The following MYH14 variants were observed in gnomAD, a reference collection of about 807,000 sequenced individuals.
MYH14 encodes the protein myosin heavy chain 14.
Under a neutral mutation model 255.5 loss-of-function variants are expected in MYH14, and 123 were observed. That is an observed-to-expected ratio of 0.48 (90% CI 0.42 to 0.56). The LOEUF (loss-of-function observed/expected upper bound fraction) is 0.56, where lower values mean the gene tolerates loss of function less well. MYH14 is among the 20% of genes least tolerant of loss of function. The probability of loss-of-function intolerance (pLI) is 0.00; values close to 1 mark genes in which losing one functional copy is unlikely to be tolerated. For missense variants in MYH14, 2,423 were observed against 2,802.3 expected (o/e 0.86, Z 3.06); for synonymous variants, 1,095 against 1,161.2 (o/e 0.94, Z 1.16).
rs1237370119 is a variant in MYH14, at chr19:50,278,134, G to C, written c.3877G>C (p.Glu1293Gln). 5.6e-6 allele frequency: 9 copies of C among 1,604,926 alleles called. No homozygotes were observed. The highest frequency in any genetic ancestry group is 7.7e-6 in the Non-Finnish European group (9 of 1,173,180). Residue 1293 changes from glutamate (E) to glutamine (Q), a missense_variant, in exon 30 of 43, where the codon GAG becomes CAG. Transcript: ENST00000642316. ...GCTGGCCCTGGAGGCCGAGGTGTCC[G>C]AGCTGCGGGCAGAACTGAGCAGCCT... ...TRLALEAEVSELRAELSSLQT... is the reference protein window; with the variant it reads ...TRLALEAEVSQLRAELSSLQT...
chr19:50,230,548 A>G lies in MYH14; in HGVS notation c.898A>G (p.Ile300Val). ...ETYLLEKSRA[I>V]RQAKDECSFH... Reference sequence around the variant, plus strand: ...AGACCTGCTGGAGAAGTCGCGGGCCATCCGCCAGGCCAAGGACGAGTGCAG... The same window carrying G: ...AGACCTGCTGGAGAAGTCGCGGGCCGTCCGCCAGGCCAAGGACGAGTGCAG... The change falls in exon 9 of 43, where the codon ATC becomes GTC. Residue 300 changes from isoleucine (I) to valine (V), a missense_variant. By Grantham distance (29) the Ile-to-Val change is conservative (BLOSUM62 3). Coordinates refer to ENST00000642316, the MANE Select transcript of MYH14 (RefSeq NM_001145809.2). This position sits in a 1 kb window ranked among gnomAD's most constrained non-coding sequence, Gnocchi z 4.7. 3.2e-6 allele frequency: 5 copies of G among 1,567,862 alleles called. No homozygotes were observed. Among genetic ancestry groups the G allele is most frequent in the Non-Finnish European group, 4.3e-6 (5 of 1,156,882 alleles).
intron 24 of MYH14, among the ~76,000 whole-genome samples, chr19:50,269,039 A>G (rs1366736962): frequency 1.3e-5 from 2 of 151,996 alleles, no homozygotes; most frequent in East Asian, 3.8e-4. Context: ...CACATGGCCA[A>G]GTTGTTCCAA....
intron 12 of MYH14, among the ~76,000 whole-genome samples, chr19:50,247,323 T>C (rs2034169489): frequency 6.6e-6 from 1 of 151,778 alleles, no homozygotes. Flanking sequence ...CAAGTTATAG[T>C]AAGGAAATGG....
intron 1 of MYH14, among the ~76,000 whole-genome samples, chr19:50,205,901 G>A (rs1181766995): frequency 6.6e-6 from 1 of 152,142 alleles, no homozygotes; most frequent in Non-Finnish European, 1.5e-5. Flanking sequence ...GGGTCAGACG[G>A]CTGGATGCCA....
In MYH14 at chr19:50,247,418, T is replaced by G. The variant is rs2034173336; in HGVS notation, c.1329+296T>G. 4.0e-5 allele frequency among the ~76,000 whole-genome samples: 6 copies of G among 151,802 alleles called. No homozygotes were observed. The South Asian group carries it at 1.2e-3, about 32-fold the overall frequency. ...CTTTGGGAGGCCAAGGTGGGAGGAT[T>G]GCTTGAGCCCGGGAGTTTGAGGCTG... On this transcript the variant is annotated intron_variant, in intron 12 of 42. Coordinates refer to ENST00000642316, the MANE Select transcript of MYH14 (RefSeq NM_001145809.2).
At chr19:50,303,181 C>T (rs2036550725) in intron 40 of MYH14, among the ~76,000 whole-genome samples, 1 of 152,106 alleles carries the variant, frequency 6.6e-6, no homozygotes, top group African/African-American at 2.4e-5. Flanking sequence ...GTGGGCTTCA[C>T]TCATCATCCG....
intron 33 of MYH14, among the ~76,000 whole-genome samples, chr19:50,283,481 C>T (rs1268440732): frequency 6.6e-6 from 1 of 152,206 alleles, no homozygotes; most frequent in Non-Finnish European, 1.5e-5. Flanking sequence ...TTCCATGTAT[C>T]AATAATGTAT....
At chr19:50,283,722 G>C (rs1251226510) in intron 33 of MYH14, among the ~76,000 whole-genome samples, 3 of 152,098 alleles carry the variant, frequency 2.0e-5, no homozygotes, top group African/African-American at 7.2e-5. Flanking sequence ...CTTCTGTTCA[G>C]ATCTTTTGCC....
At chr19:50,303,259 C>A (rs1396802154) in intron 40 of MYH14, among the ~76,000 whole-genome samples, 3 of 150,124 alleles carry the variant, frequency 2.0e-5, no homozygotes, top group Non-Finnish European at 4.4e-5. Flanking sequence ...TTTCTTTTTT[C>A]TTTTCAAGAA....
At chr19:50,218,326 G>T (rs987106793) in intron 3 of MYH14, among the ~76,000 whole-genome samples, 2 of 152,044 alleles carry the variant, frequency 1.3e-5, no homozygotes, top group Admixed American at 6.5e-5. Flanking sequence ...GCCAGGCGCG[G>T]TGGCTCACGC....
intron 12 of MYH14, among the ~76,000 whole-genome samples, chr19:50,248,217 T>C (rs901941698): frequency 4.0e-5 from 6 of 150,718 alleles, no homozygotes; most frequent in Admixed American, 1.3e-4. Context: ...AGGAGGTGAG[T>C]TTTATTCAAA....
intron 3 of MYH14, among the ~76,000 whole-genome samples, chr19:50,219,666 C>CAGGT (rs994981109): frequency 6.6e-6 from 1 of 152,030 alleles, no homozygotes; most frequent in Non-Finnish European, 1.5e-5. Context: ...AGACAGATGG[C>CAGGT]AGGTCAAGGC....
chr19:50,249,240 C>T lies in MYH14; in HGVS notation c.1482+101C>T. On this transcript the variant is annotated intron_variant, in intron 13 of 42. Transcript: ENST00000642316. ...CCCCTTCTCCCTGGTCTCTGTCCCC[C>T]TCTCTCTCTCTGAGTCTCTGTTCCC... is the stretch of plus-strand genomic sequence containing the variant. 3 of 1,153,976 alleles carry T rather than the reference C, an allele frequency of 2.6e-6. No homozygotes were observed. In the South Asian group the frequency reaches 5.3e-5, roughly 20 times the overall value. 71.5% of individuals were successfully genotyped at this position (1,153,976 alleles called of 1,614,324 possible). A position where few individuals can be genotyped will look rare whatever the true frequency, so the allele number is the denominator to read the frequency against.
Position 50,210,714 on chromosome 19 carries a change from A to G in MYH14, c.349A>G (p.Asn117Asp). 1 of 1,578,312 alleles carries G rather than the reference A, an allele frequency of 6.3e-7. No individual in the cohort carries two copies. Among genetic ancestry groups the G allele is most frequent in the East Asian group, 2.3e-5 (1 of 42,608 alleles). Residue 117 changes from asparagine (N) to aspartate (D), a missense_variant, in exon 2 of 43, where the codon AAC (asparagine) becomes GAC (aspartate). Asn to Asp is a conservative substitution (Grantham distance 23). Around this residue, in one of 3 missense-constraint regions of MYH14, gnomAD observed 238 missense variants for 245.8 expected, o/e 0.97. Transcript: ENST00000642316. ...AEDMAELTCL[N>D]EASVLHNLRE... Reference sequence around the variant, plus strand: ...GGACATGGCCGAGCTGACCTGCCTCAACGAGGCCTCGGTCCTGCACAACCT... The same window carrying G: ...GGACATGGCCGAGCTGACCTGCCTCGACGAGGCCTCGGTCCTGCACAACCT...
At chr19:50,233,015 G>A (rs2033479970) in intron 10 of MYH14, among the ~76,000 whole-genome samples, 2 of 152,128 alleles carry the variant, frequency 1.3e-5, no homozygotes, top group Non-Finnish European at 2.9e-5. Flanking sequence ...ACTGGAGTGG[G>A]TGGTGCTGAG....
intron 33 of MYH14, among the ~76,000 whole-genome samples, chr19:50,283,432 G>T (rs676716): frequency 0.37 from 55,901 of 152,110 alleles, 11,347 homozygotes; most frequent in African/African-American, 0.54. Context: ...AAAATAATTA[G>T]TCTGAGATCC....
chr19:50,296,461 C>T (rs1286420960), intron 39 of MYH14, among the ~76,000 whole-genome samples: 3 of 152,020 alleles, frequency 2.0e-5, no homozygotes, highest in African/African-American at 7.3e-5. Context: ...AAAAATTAGC[C>T]AGGTGCGATG....
chr19:50,299,848 G>A (rs2036419462), intron 39 of MYH14, among the ~76,000 whole-genome samples: 1 of 151,978 alleles, frequency 6.6e-6, no homozygotes, highest in African/African-American at 2.4e-5. Flanking sequence ...AGGAGGCTGA[G>A]GCAAGAAAAT....
intron 11 of MYH14, among the ~76,000 whole-genome samples, chr19:50,244,719 G>A (rs1407169988): frequency 6.6e-6 from 1 of 151,968 alleles, no homozygotes; most frequent in African/African-American, 2.4e-5. Context: ...TCATGACCTC[G>A]TGATCTGCCC....
Sources: allele counts gnomAD v4.1 joint callset (sites outside exome capture counted in the v4.1 genomes callset), GRCh38; gene constraint gnomAD v4.1.1; regional missense constraint gnomAD v4.1.1; non-coding constraint Gnocchi (gnomAD v3.1); transcripts MANE v1.5; gene names NCBI Gene and HGNC (gene_info 2026-07-23, HGNC 2026-07-21).